The following CNTNAP2 variants were observed in gnomAD, a reference collection of about 807,000 sequenced individuals.
The protein encoded by CNTNAP2 is contactin-associated protein-like 2.
Under a neutral mutation model 155.2 loss-of-function variants are expected in CNTNAP2, and 98 were observed. The observed-to-expected ratio is 0.63, with a 90% CI of 0.54 to 0.75. CNTNAP2 has a LOEUF of 0.75. Among genes scored for constraint, CNTNAP2 ranks in the 30% least tolerant of loss-of-function variants. The probability of loss-of-function intolerance (pLI) is 0.00; values close to 1 mark genes in which losing one functional copy is unlikely to be tolerated. For synonymous variants in CNTNAP2, 651 were observed against 631.2 expected, an observed-to-expected ratio of 1.03 and a Z score of -0.47; for missense variants, 1,727 against 1,688.1, an observed-to-expected ratio of 1.02 and a Z score of -0.40.
At chr7:147,289,543 A>T (rs1268429432) in intron 8 of CNTNAP2, among the ~76,000 whole-genome samples, 1 of 152,206 alleles carries the variant, frequency 6.6e-6, no homozygotes, top group Non-Finnish European at 1.5e-5. Flanking sequence ...AAGATTAATG[A>T]AAATGGCTCC....
At chr7:146,874,089 C>T (rs1363184090) in intron 3 of CNTNAP2, among the ~76,000 whole-genome samples, 1 of 151,704 alleles carries the variant, frequency 6.6e-6, no homozygotes, top group Non-Finnish European at 1.5e-5. Flanking sequence ...AAGAGGGTTA[C>T]TCTTAAATTC....
At chr7:146,512,052 T>C (rs1251903224) in intron 1 of CNTNAP2, among the ~76,000 whole-genome samples, 2 of 152,036 alleles carry the variant, frequency 1.3e-5, no homozygotes, top group Non-Finnish European at 1.5e-5. Context: ...TTGAAGGTTT[T>C]CTGATTTGTT....
chr7:146,914,023 A>G (rs994516885), intron 3 of CNTNAP2, among the ~76,000 whole-genome samples: 1 of 151,950 alleles, frequency 6.6e-6, no homozygotes, highest in African/African-American at 2.4e-5. Flanking sequence ...TCCATTCCTG[A>G]GTTACTTCAC....
chr7:147,757,898 T>A (rs1214462637), intron 13 of CNTNAP2, among the ~76,000 whole-genome samples: 1 of 152,204 alleles, frequency 6.6e-6, no homozygotes, highest in Non-Finnish European at 1.5e-5. Flanking sequence ...ATTATTGTCT[T>A]TAGCTATCTG....
chr7:148,356,357 T>TA (rs1798515296), intron 21 of CNTNAP2, among the ~76,000 whole-genome samples: 1 of 152,152 alleles, frequency 6.6e-6, no homozygotes, highest in Non-Finnish European at 1.5e-5. Flanking sequence ...GGGTGTTATA[T>TA]AAAAAATGCC....
chr7:146,560,147 G>A (rs1798258141), intron 1 of CNTNAP2, among the ~76,000 whole-genome samples: 1 of 152,066 alleles, frequency 6.6e-6, no homozygotes, highest in Admixed American at 6.6e-5. Flanking sequence ...GAATTCCTTT[G>A]CAGGGTAATT....
At chr7:147,339,640 AG>A (rs1176437425) in intron 9 of CNTNAP2, among the ~76,000 whole-genome samples, 7 of 152,316 alleles carry the variant, frequency 4.6e-5, no homozygotes, top group African/African-American at 1.7e-4. Context: ...AAATTATAAA[AG>A]AAAAAATTAA....
At chr7:146,435,187 G>T (rs894143341) in intron 1 of CNTNAP2, among the ~76,000 whole-genome samples, 8 of 152,114 alleles carry the variant, frequency 5.3e-5, no homozygotes, top group African/African-American at 1.9e-4. Context: ...TATAAAATCT[G>T]AAATTCAGAT....
chr7:146,853,683 T>C (rs1794924691), intron 3 of CNTNAP2, among the ~76,000 whole-genome samples: 1 of 152,168 alleles, frequency 6.6e-6, no homozygotes, highest in South Asian at 2.1e-4. Flanking sequence ...TTGCTTTCTC[T>C]ATTATACCAT....
At chr7:148,064,169 C>T (rs1352034932) in intron 15 of CNTNAP2, among the ~76,000 whole-genome samples, 2 of 152,036 alleles carry the variant, frequency 1.3e-5, no homozygotes, top group Non-Finnish European at 2.9e-5. Flanking sequence ...AATGTAATGC[C>T]TCCAGATTTG....
intron 1 of CNTNAP2, among the ~76,000 whole-genome samples, chr7:146,161,673 A>G (rs1798224498): frequency 6.6e-6 from 1 of 152,222 alleles, no homozygotes; most frequent in Non-Finnish European, 1.5e-5. Flanking sequence ...TTTAAAGTTC[A>G]TATGGAACCA....
intron 3 of CNTNAP2, among the ~76,000 whole-genome samples, chr7:146,979,009 T>C (rs371334537): frequency 1.3e-5 from 2 of 152,228 alleles, no homozygotes; most frequent in South Asian, 4.1e-4. Context: ...TCTGAAGATC[T>C]TATTGATTTT....
chr7:146,826,857 TAGAG>T (rs1554485885), intron 2 of CNTNAP2, among the ~76,000 whole-genome samples: 43 of 138,972 alleles, frequency 3.1e-4, no homozygotes, highest in African/African-American at 7.8e-4. Context: ...TATATATATA[TAGAG>T]AGAGAGAGAG....
intron 1 of CNTNAP2, among the ~76,000 whole-genome samples, chr7:146,167,135 C>G (rs1219751035): frequency 1.3e-5 from 2 of 152,206 alleles, no homozygotes; most frequent in Non-Finnish European, 2.9e-5. Context: ...TACTACCAAC[C>G]AACAAGTACT....
chr7:146,364,416 A>G (rs912532735), intron 1 of CNTNAP2, among the ~76,000 whole-genome samples: 1 of 151,978 alleles, frequency 6.6e-6, no homozygotes, highest in Non-Finnish European at 1.5e-5. Flanking sequence ...CTTCACTCCT[A>G]CTCTAGTATT....
intron 1 of CNTNAP2, among the ~76,000 whole-genome samples, chr7:146,200,921 G>T (rs1224889521): frequency 1.3e-5 from 2 of 152,102 alleles, no homozygotes; most frequent in African/African-American, 2.4e-5. Context: ...AGGGTAAAAA[G>T]GAGTTAATGA....
In CNTNAP2 at chr7:147,693,333, C is replaced by A. The variant is rs145248684; in HGVS notation, c.2098+54027C>A. Reference sequence around the variant, plus strand: ...ATTCTTGGCTATTTTGGGTATGTTGCCCCTTTACATAATCTTTAAAGATCA... The same window carrying A: ...ATTCTTGGCTATTTTGGGTATGTTGACCCTTTACATAATCTTTAAAGATCA... On this transcript the variant is annotated intron_variant, in intron 13 of 23. Coordinates refer to ENST00000361727, the MANE Select transcript of CNTNAP2 (RefSeq NM_014141.6). Among the ~76,000 whole-genome samples, 539 of 152,072 alleles carry A rather than the reference C, an allele frequency of 3.5e-3. 2 individuals carry two copies. Among genetic ancestry groups the A allele is most frequent in the African/African-American group, 0.012 (506 of 41,516 alleles).
intron 3 of CNTNAP2, among the ~76,000 whole-genome samples, chr7:146,965,921 A>G (rs192131261): frequency 1.4e-4 from 21 of 152,290 alleles, no homozygotes; most frequent in Non-Finnish European, 2.6e-4. Context: ...TCTTCCAGGT[A>G]TCTCCTCTAA....
chr7:146,204,213 A>T (rs1439561482), intron 1 of CNTNAP2, among the ~76,000 whole-genome samples: 1 of 152,162 alleles, frequency 6.6e-6, no homozygotes, highest in African/African-American at 2.4e-5. Context: ...TTAAGAAAAG[A>T]AATGACAGAC....
Sources: gnomAD v4.1 joint callset for allele counts (sites outside exome capture counted in the v4.1 genomes callset) on GRCh38, gnomAD v4.1.1 for gene constraint, MANE v1.5 for transcripts, NCBI Gene and HGNC (gene_info 2026-07-23, HGNC 2026-07-21) for gene names.